PTPRT: variants seen among roughly 807,000 people sequenced by gnomAD.
PTPRT encodes protein tyrosine phosphatase receptor type T.
Under a neutral mutation model 176.8 loss-of-function variants are expected in PTPRT, and 56 were observed. That is an observed-to-expected ratio of 0.32 (90% confidence interval 0.26 to 0.40). The LOEUF (loss-of-function observed/expected upper bound fraction) is 0.40, where lower values mean the gene tolerates loss of function less well. PTPRT is among the 10% of genes least tolerant of loss of function. The probability of loss-of-function intolerance (pLI) is 1.00; values close to 1 mark genes in which losing one functional copy is unlikely to be tolerated. For synonymous variants in PTPRT, 783 were observed against 739.0 expected, an observed-to-expected ratio of 1.06 and a Z score of -0.96; for missense variants, 1,540 against 1,908.2, an observed-to-expected ratio of 0.81 and a Z score of 3.60.
chr20:42,204,499 G>T (rs1292571413), intron 15 of PTPRT, among the ~76,000 whole-genome samples: 1 of 152,212 alleles, frequency 6.6e-6, no homozygotes, highest in Non-Finnish European at 1.5e-5. Flanking sequence ...AAGAGAGTAT[G>T]CATAAGTCTG....
intron 1 of PTPRT, among the ~76,000 whole-genome samples, chr20:43,069,787 T>A (rs74911694): frequency 0.017 from 2,587 of 152,302 alleles, 48 homozygotes; most frequent in East Asian, 0.076. Context: ...TTGGGAGCCG[T>A]ACTAATGGGT....
At chr20:42,612,084 AC>A (rs1199825536) in intron 7 of PTPRT, among the ~76,000 whole-genome samples, 4 of 152,052 alleles carry the variant, frequency 2.6e-5, no homozygotes, top group Admixed American at 6.6e-5. Context: ...CACCTGCTGG[AC>A]CCACCCATCT....
intron 16 of PTPRT, among the ~76,000 whole-genome samples, chr20:42,161,999 G>A (rs1319781392): frequency 6.6e-6 from 1 of 152,094 alleles, no homozygotes; most frequent in Non-Finnish European, 1.5e-5. Flanking sequence ...TATAATTCTG[G>A]TCTATTTGCC....
intron 7 of PTPRT, among the ~76,000 whole-genome samples, chr20:42,608,932 G>A (rs73280526): frequency 0.012 from 1,815 of 152,256 alleles, 42 homozygotes; most frequent in African/African-American, 0.042. Flanking sequence ...GATGGGAAGA[G>A]TGTCAAAGAT....
At chr20:43,159,667 C>A (rs992679912) in intron 1 of PTPRT, among the ~76,000 whole-genome samples, 16 of 152,144 alleles carry the variant, frequency 1.1e-4, no homozygotes, top group African/African-American at 3.9e-4. Flanking sequence ...TGTTTTACAA[C>A]ATTGTTCTCT....
intron 1 of PTPRT, among the ~76,000 whole-genome samples, chr20:42,941,088 A>AAT (rs1980517934): frequency 8.6e-5 from 13 of 150,400 alleles, no homozygotes; most frequent in Admixed American, 6.7e-4. Context: ...TCTCAAAAAA[A>AAT]AATAATAATA....
intron 8 of PTPRT, among the ~76,000 whole-genome samples, chr20:42,455,308 G>A (rs1008318359): frequency 5.3e-5 from 8 of 152,160 alleles, no homozygotes; most frequent in Non-Finnish European, 5.9e-5. Flanking sequence ...ACTGGGAATA[G>A]CACTGTTCTA....
At chr20:42,184,269 A>G (rs942809031) in intron 16 of PTPRT, among the ~76,000 whole-genome samples, 2 of 152,224 alleles carry the variant, frequency 1.3e-5, no homozygotes, top group African/African-American at 4.8e-5. Context: ...AAGTTGTGAT[A>G]TGGTGTGTTA....
At chr20:42,197,155 G>T (rs1026418153) in intron 16 of PTPRT, among the ~76,000 whole-genome samples, 3 of 151,976 alleles carry the variant, frequency 2.0e-5, no homozygotes, top group Non-Finnish European at 4.4e-5. Flanking sequence ...CGAGGCGGGC[G>T]GATTACGAGG....
At chr20:42,452,004 C>T (rs1014404201) in intron 8 of PTPRT, among the ~76,000 whole-genome samples, 1 of 152,162 alleles carries the variant, frequency 6.6e-6, no homozygotes, top group African/African-American at 2.4e-5. Flanking sequence ...GGCTTGGTGG[C>T]CCACGCCTAT....
intron 1 of PTPRT, among the ~76,000 whole-genome samples, chr20:42,913,193 T>G (rs1254634013): frequency 2.0e-5 from 3 of 151,934 alleles, no homozygotes; most frequent in Non-Finnish European, 4.4e-5. Context: ...TTCTGAGGAG[T>G]GTTATAACAA....
Position 42,115,131 on chromosome 20 carries a change from T to C in PTPRT, c.3099+68A>G, listed in dbSNP as rs2146310405. On this transcript the variant is annotated intron_variant, in intron 22 of 30. Transcript: ENST00000373187. ...GTAGAGCAGACCCTCAGTTACCACA[T>C]GTTCTGGATGAACAAACAAGCTGGC... 55 of 1,158,876 alleles carry C rather than the reference T, an allele frequency of 4.7e-5. No homozygotes were observed. The South Asian group carries it at 6.6e-4, about 14-fold the overall frequency. 71.8% of individuals were successfully genotyped at this position (1,158,876 alleles called of 1,614,324 possible). A position where few individuals can be genotyped will look rare whatever the true frequency, so the allele number is the denominator to read the frequency against.
rs1433535248 is a variant in PTPRT, at chr20:42,161,361, C to T, written c.2673G>A (p.Glu891=). ...CAGGCTGGTCTCTTACCTCGTATTC[C>T]TCCTTGAACCCGTAGCCCTGGCCTC... ...MKRGQGYGFK[E]EYEALPEGQT... Residue 891 remains glutamate (E), a synonymous_variant, in exon 17 of 31, where the codon GAG becomes GAA. Transcript: ENST00000373187. The T allele has an allele frequency of 3.1e-6, 5 of 1,613,972 alleles. No homozygotes were observed. In the East Asian group the frequency reaches 8.9e-5, roughly 29 times the overall value.
intron 1 of PTPRT, among the ~76,000 whole-genome samples, chr20:42,930,251 G>A (rs1048774583): frequency 3.3e-5 from 5 of 152,132 alleles, no homozygotes; most frequent in Non-Finnish European, 5.9e-5. Flanking sequence ...TGCCCTCCTA[G>A]GTCCCTCTTC....
intron 7 of PTPRT, among the ~76,000 whole-genome samples, chr20:42,527,017 G>A (rs1350461440): frequency 7.5e-6 from 1 of 132,626 alleles, no homozygotes; most frequent in Non-Finnish European, 1.5e-5. Context: ...AGGCTGGAGT[G>A]CAGTGGCACG....
In PTPRT at chr20:42,424,038, T is replaced by C. The variant is rs544995354; in HGVS notation, c.1560+24182A>G. On this transcript the variant is annotated intron_variant, in intron 9 of 30. Coordinates refer to ENST00000373187, the MANE Select transcript of PTPRT (RefSeq NM_007050.6). ...TTTAAAACAAATTTAAAGCTTGTGC[T>C]AAACTGTGACTTAGCCCCCAGTAAA... Among the ~76,000 whole-genome samples, 24 of 152,352 alleles carry C rather than the reference T, an allele frequency of 1.6e-4. 1 individual carries two copies. The highest frequency in any genetic ancestry group is 8.5e-4 in the Admixed American group (13 of 15,296).
intron 1 of PTPRT, among the ~76,000 whole-genome samples, chr20:43,153,857 A>G (rs529731389): frequency 6.6e-6 from 1 of 152,340 alleles, no homozygotes; most frequent in Non-Finnish European, 1.5e-5. Flanking sequence ...AAATTATAGC[A>G]AGAACATGAG....
At chr20:42,087,896 TAGA>T (rs1203228337) in intron 27 of PTPRT, among the ~76,000 whole-genome samples, 56 of 108,620 alleles carry the variant, frequency 5.2e-4, no homozygotes, top group Admixed American at 4.4e-3. Context: ...AAAAAAAAAA[TAGA>T]AGAAGAAGAA....
chr20:43,090,105 G>A (rs1384094929), intron 1 of PTPRT, among the ~76,000 whole-genome samples: 2 of 152,228 alleles, frequency 1.3e-5, no homozygotes, highest in East Asian at 3.9e-4. Context: ...ATTAATGCTG[G>A]TGGAGGCAAA....
Sources: gnomAD v4.1 joint callset for allele counts (sites outside exome capture counted in the v4.1 genomes callset) on GRCh38, gnomAD v4.1.1 for gene constraint, MANE v1.5 for transcripts, NCBI Gene and HGNC (gene_info 2026-07-23, HGNC 2026-07-21) for gene names.